Variants in EPHA7 observed in about 807,000 individuals in gnomAD.
The protein encoded by EPHA7 is EPH receptor A7.
Under a neutral mutation model 112.6 loss-of-function variants are expected in EPHA7, and 25 were observed. The ratio of observed to expected loss-of-function variants is 0.22; its 90% CI spans 0.16 to 0.31. The LOEUF is 0.31. Among genes scored for constraint, EPHA7 ranks in the 10% least tolerant of loss-of-function variants. EPHA7 has a pLI of 1.00. For missense variants in EPHA7, 962 were observed against 1,212.6 expected, an observed-to-expected ratio of 0.79 and a Z score of 3.07; for synonymous variants, 437 against 406.5, an observed-to-expected ratio of 1.07 and a Z score of -0.90.
At chr6:93,338,010 T>C (rs574471310) in intron 5 of EPHA7, among the ~76,000 whole-genome samples, 3 of 151,820 alleles carry the variant, frequency 2.0e-5, no homozygotes, top group East Asian at 1.9e-4. Flanking sequence ...AGAAGAAGCA[T>C]TGGGAGGGAG....
rs115942831 is a variant in EPHA7 at position 93,411,379 on chromosome 6, C to T, written c.163-209G>A. Among the ~76,000 whole-genome samples, 450 of 152,186 alleles carry T rather than the reference C, an allele frequency of 3.0e-3. 3 individuals are homozygous for T. The highest frequency in any genetic ancestry group is 0.01 in the African/African-American group (417 of 41,528). Reference sequence around the variant, plus strand: ...ATGCTGCTTGCTTTGTGTATACATACAATAAATATTTCATTTTGTTTAATA... The same window carrying T: ...ATGCTGCTTGCTTTGTGTATACATATAATAAATATTTCATTTTGTTTAATA... On this transcript the variant is annotated intron_variant, in intron 2 of 16. Transcript: ENST00000369303.
At chr6:93,306,454 T>C (rs1773262839) in intron 5 of EPHA7, among the ~76,000 whole-genome samples, 1 of 152,004 alleles carries the variant, frequency 6.6e-6, no homozygotes, top group South Asian at 2.1e-4. Flanking sequence ...AACTAGCCAA[T>C]CCCACAAATG....
intron 3 of EPHA7, among the ~76,000 whole-genome samples, chr6:93,378,901 G>A (rs1001631544): frequency 6.6e-6 from 1 of 152,028 alleles, no homozygotes; most frequent in African/African-American, 2.4e-5. Context: ...GTTATTTGGT[G>A]TGTACTGTAC....
Position 93,402,811 on chromosome 6 carries a change from CATATA to C in EPHA7, c.832+7685_832+7689del, listed in dbSNP as rs551273707. Among the ~76,000 whole-genome samples, 67 of 151,882 alleles carry C rather than the reference CATATA, an allele frequency of 4.4e-4. 1 individual carries two copies. The highest frequency in any genetic ancestry group is 1.4e-3 in the African/African-American group (60 of 41,442). On this transcript the variant is annotated intron_variant, in intron 3 of 16. Transcript: ENST00000369303. ...AATTTTATAACAAAAGTTGCTTTCC[CATATA>C]ATATAAATATAAACACACTTCAAGG...
intron 5 of EPHA7, among the ~76,000 whole-genome samples, chr6:93,324,074 T>C (rs1181313028): frequency 6.6e-6 from 1 of 151,400 alleles, no homozygotes; most frequent in Admixed American, 6.6e-5. Context: ...ACAAATATTT[T>C]TGAGATTTTT....
intron 5 of EPHA7, among the ~76,000 whole-genome samples, chr6:93,277,973 A>G (rs1186228853): frequency 6.6e-6 from 1 of 152,132 alleles, no homozygotes; most frequent in South Asian, 2.1e-4. Flanking sequence ...AAAATACCTA[A>G]TAAGAACTAC....
rs1312304841 is a variant in EPHA7, at chr6:93,263,970, AT to A, written c.1743-56del. 4.5e-6 allele frequency: 6 copies of A among 1,335,918 alleles called. No homozygotes were observed. In the African/African-American group the frequency reaches 7.3e-5, roughly 16 times the overall value. 82.8% of individuals were successfully genotyped at this position (1,335,918 alleles called of 1,614,324 possible). A position where few individuals can be genotyped will look rare whatever the true frequency, so the allele number is the denominator to read the frequency against. ...AGTCATTTTACTTTATATATTTAAT[AT>A]TCAGTACAATGTACCTTAGTTACTC... On this transcript the variant is annotated intron_variant, in intron 8 of 16. Transcript: ENST00000369303.
At chr6:93,249,811 C>A (rs1770125782) in intron 14 of EPHA7, among the ~76,000 whole-genome samples, 1 of 152,120 alleles carries the variant, frequency 6.6e-6, no homozygotes, top group African/African-American at 2.4e-5. Context: ...TAATACTTTT[C>A]AATAGCACTT....
chr6:93,364,978 A>T (rs928523143), intron 3 of EPHA7, among the ~76,000 whole-genome samples: 5 of 152,166 alleles, frequency 3.3e-5, no homozygotes, highest in Admixed American at 3.3e-4. Flanking sequence ...TTTGTGATTG[A>T]ATTTCTGAAT....
chr6:93,411,338 G>A (rs1237053537), intron 2 of EPHA7, among the ~76,000 whole-genome samples, 168 bp from the exon 3 acceptor site: 1 of 152,100 alleles, frequency 6.6e-6, no homozygotes, highest in Non-Finnish European at 1.5e-5. Flanking sequence ...CTTCATCCTG[G>A]TGGTGGAACA....
At chr6:93,326,454 AC>A (rs1417866299) in intron 5 of EPHA7, among the ~76,000 whole-genome samples, 1 of 151,536 alleles carries the variant, frequency 6.6e-6, no homozygotes, top group Non-Finnish European at 1.5e-5. Flanking sequence ...GAATGGCATA[AC>A]TAGAACTTAC....
chr6:93,266,495 T>C (rs1770945630), intron 7 of EPHA7, among the ~76,000 whole-genome samples: 1 of 151,750 alleles, frequency 6.6e-6, no homozygotes, highest in Admixed American at 6.6e-5. Flanking sequence ...GACATTATGG[T>C]TAATATTTTC....
At chr6:93,402,084 T>C (rs1216570164) in intron 3 of EPHA7, among the ~76,000 whole-genome samples, 1 of 152,022 alleles carries the variant, frequency 6.6e-6, no homozygotes, top group East Asian at 1.9e-4. Flanking sequence ...TACTTCCCAA[T>C]GCTAGGTTAA....
chr6:93,269,401 C>A (rs1418379065), intron 7 of EPHA7, 76 bp downstream of exon 7: 3 of 1,164,392 alleles, frequency 2.6e-6, no homozygotes, highest in South Asian at 1.7e-5. Flanking sequence ...TGCAAATGAT[C>A]ACCTCAATAT....
At chr6:93,249,839 A>C (rs912451784) in intron 14 of EPHA7, among the ~76,000 whole-genome samples, 1 of 152,176 alleles carries the variant, frequency 6.6e-6, no homozygotes, top group Admixed American at 6.5e-5. Flanking sequence ...TCAGAATAAC[A>C]CTTAAAATTA....
chr6:93,337,856 C>G (rs1774951448), intron 5 of EPHA7, among the ~76,000 whole-genome samples: 1 of 151,982 alleles, frequency 6.6e-6, no homozygotes, highest in South Asian at 2.1e-4. Flanking sequence ...TCTTGTGACA[C>G]TGGAATAATG....
chr6:93,306,331 A>C (rs1773257238), intron 5 of EPHA7, among the ~76,000 whole-genome samples: 1 of 151,998 alleles, frequency 6.6e-6, no homozygotes, highest in African/African-American at 2.4e-5. Context: ...AAATATAAAA[A>C]AATGTCCTCA....
chr6:93,415,215 T>C (rs1779166997), intron 1 of EPHA7, among the ~76,000 whole-genome samples: 1 of 151,998 alleles, frequency 6.6e-6, no homozygotes, highest in African/African-American at 2.4e-5. Flanking sequence ...TATTGTCTTT[T>C]GAGAATTGGA....
chr6:93,305,924 T>A (rs1773234188), intron 5 of EPHA7, among the ~76,000 whole-genome samples: 1 of 151,962 alleles, frequency 6.6e-6, no homozygotes, highest in Non-Finnish European at 1.5e-5. Flanking sequence ...AGTACTTACC[T>A]AGAAACTCCT....
Sources: gnomAD v4.1 joint callset for allele counts (sites outside exome capture counted in the v4.1 genomes callset) on GRCh38, gnomAD v4.1.1 for gene constraint, MANE v1.5 for transcripts, NCBI Gene and HGNC (gene_info 2026-07-23, HGNC 2026-07-21) for gene names.